Variants in ITFG1 observed in about 807,000 individuals in gnomAD.
The protein encoded by ITFG1 is T-cell immunomodulatory protein.
Under a neutral mutation model 81.8 loss-of-function variants are expected in ITFG1, and 34 were observed. The observed-to-expected ratio is 0.42, with a 90% CI of 0.32 to 0.55. The LOEUF (loss-of-function observed/expected upper bound fraction) is 0.55. Ranked by LOEUF, ITFG1 falls within the 20% of genes least tolerant of loss-of-function variation. ITFG1 has a pLI of 0.17. For missense variants in ITFG1, 672 were observed against 755.4 expected, an observed-to-expected ratio of 0.89 and a Z score of 1.29; for synonymous variants, 285 against 270.6, an observed-to-expected ratio of 1.05 and a Z score of -0.52.
At chr16:47,368,555 CAAAAAAAAAAAAAAAA>C (rs35965452) in intron 7 of ITFG1, among the ~76,000 whole-genome samples, 15 of 33,550 alleles carry the variant, frequency 4.5e-4, no homozygotes, top group African/African-American at 1.9e-3. Flanking sequence ...GACTCCATCT[CAAAAAAAAAAAAAAAA>C]AAAAAAAAAA....
At chr16:47,456,077 G>A (rs765923322) in intron 2 of ITFG1, among the ~76,000 whole-genome samples, 8 of 152,152 alleles carry the variant, frequency 5.3e-5, no homozygotes, top group Non-Finnish European at 8.8e-5. Flanking sequence ...AATCATTCCT[G>A]TAATTGCAGC....
intron 6 of ITFG1, among the ~76,000 whole-genome samples, chr16:47,425,413 CA>C (rs1442897755): frequency 6.6e-6 from 1 of 152,098 alleles, no homozygotes; most frequent in Non-Finnish European, 1.5e-5. Flanking sequence ...GGTAAGGCGA[CA>C]CCCCACCCTG....
intron 6 of ITFG1, among the ~76,000 whole-genome samples, chr16:47,409,251 G>T (rs971362182): frequency 6.7e-5 from 10 of 148,424 alleles, no homozygotes; most frequent in African/African-American, 2.2e-4. Flanking sequence ...GCTAAATAAG[G>T]AATCCTCAGG....
At chr16:47,185,153 G>A (rs1285564067) in intron 14 of ITFG1, among the ~76,000 whole-genome samples, 1 of 151,978 alleles carries the variant, frequency 6.6e-6, no homozygotes. Context: ...CCTACAAAGA[G>A]ACTTAGACTC....
At chr16:47,417,555 C>T (rs1968889881) in intron 6 of ITFG1, among the ~76,000 whole-genome samples, 1 of 152,174 alleles carries the variant, frequency 6.6e-6, no homozygotes. Flanking sequence ...CCACTCTACA[C>T]TTTGCTTCTG....
intron 13 of ITFG1, among the ~76,000 whole-genome samples, chr16:47,221,973 C>T (rs1328634809): frequency 6.6e-6 from 1 of 152,068 alleles, no homozygotes; most frequent in Non-Finnish European, 1.5e-5. Flanking sequence ...ATTCTTCTCT[C>T]TTTTTTTCTT....
intron 10 of ITFG1, among the ~76,000 whole-genome samples, chr16:47,281,722 TTC>T (rs977930566): frequency 1.3e-5 from 2 of 152,154 alleles, no homozygotes; most frequent in African/African-American, 4.8e-5. Context: ...TAGTAAAATC[TTC>T]TGTTTCATTT....
intron 14 of ITFG1, among the ~76,000 whole-genome samples, chr16:47,199,885 TAA>T (rs1175756906): frequency 6.6e-5 from 10 of 152,136 alleles, no homozygotes; most frequent in Non-Finnish European, 2.9e-5. Context: ...TAGATTCTCA[TAA>T]GGAGTGCACA....
rs1385246622 is a variant in ITFG1 at position 47,181,601 on chromosome 16, G to A, written c.1454-18937C>T. Among the ~76,000 whole-genome samples, 7 of 149,012 alleles carry A rather than the reference G, an allele frequency of 4.7e-5. No individual in the cohort carries two copies. The East Asian group carries it at 1.0e-3, about 22-fold the overall frequency. ...GGCCAGCCGCCCCGTCCAGGAGGGA[G>A]GTGAGGGGCGCCTCTGCCCGGCCGC... is the stretch of plus-strand genomic sequence containing the variant. On this transcript the variant is annotated intron_variant, in intron 14 of 17. Transcript: ENST00000320640.
chr16:47,168,480 C>T (rs1414534510), intron 14 of ITFG1, among the ~76,000 whole-genome samples: 3 of 152,090 alleles, frequency 2.0e-5, no homozygotes, highest in African/African-American at 4.8e-5. Flanking sequence ...CTCCAGTGAT[C>T]CCAGCTCAGC....
chr16:47,239,763 C>G (rs1196980891), intron 12 of ITFG1, among the ~76,000 whole-genome samples: 1 of 152,178 alleles, frequency 6.6e-6, no homozygotes, highest in Non-Finnish European at 1.5e-5. Flanking sequence ...TAACTTCTCA[C>G]TCTCCTTTTA....
intron 10 of ITFG1, among the ~76,000 whole-genome samples, chr16:47,292,439 T>C (rs944800983): frequency 2.0e-5 from 3 of 152,254 alleles, no homozygotes; most frequent in Admixed American, 1.3e-4. Flanking sequence ...TTCATTTTAT[T>C]GTGCCAGTTG....
intron 14 of ITFG1, among the ~76,000 whole-genome samples, chr16:47,190,195 G>C (rs1965275154): frequency 6.6e-6 from 1 of 151,808 alleles, no homozygotes; most frequent in Non-Finnish European, 1.5e-5. Flanking sequence ...ACTTATAAGG[G>C]GCCTTTTTTT....
rs1398632426 is a variant in ITFG1 at position 47,181,397 on chromosome 16, AGATGGGGG to A, written c.1454-18741_1454-18734del. 2.3e-4 allele frequency among the ~76,000 whole-genome samples: 28 copies of A among 121,292 alleles called. 1 individual carries two copies. Among genetic ancestry groups the A allele is most frequent in the African/African-American group, 6.7e-4 (20 of 29,924 alleles). 79.6% of individuals were successfully genotyped at this position (121,292 alleles called of 152,430 possible). A position where few individuals can be genotyped will look rare whatever the true frequency, so the allele number is the denominator to read the frequency against. On this transcript the variant is annotated intron_variant, in intron 14 of 17. Transcript: ENST00000320640. The stretch of plus-strand genomic sequence containing the variant: ...CGGCCAGCCACCCCGTCCGGCAGGG[AGATGGGGG>A]GGTCAGCCCCCCCGCCCGGCCAGCC...
At chr16:47,442,050 A>T (rs550683722) in intron 5 of ITFG1, among the ~76,000 whole-genome samples, 1 of 152,300 alleles carries the variant, frequency 6.6e-6, no homozygotes, top group Admixed American at 6.5e-5. Flanking sequence ...ACAAACAGAG[A>T]GCCAAATCAT....
intron 12 of ITFG1, among the ~76,000 whole-genome samples, chr16:47,258,149 T>C (rs988507231): frequency 6.6e-6 from 1 of 152,152 alleles, no homozygotes; most frequent in Non-Finnish European, 1.5e-5. Flanking sequence ...GTGAACAAGG[T>C]TAACATCATG....
chr16:47,199,987 AGCTCAGGCCATAATGTGAGTGATGGGG>A, intron 14 of ITFG1, among the ~76,000 whole-genome samples: 1 of 134,250 alleles, frequency 7.4e-6, no homozygotes, highest in African/African-American at 3.2e-5. Context: ...CAGGAGGTGG[AGCTCAGGCCATAATGTGAGTGATGGGG>A]TGCGGCTGTA....
At chr16:47,420,872 T>C (rs767389976) in intron 6 of ITFG1, among the ~76,000 whole-genome samples, 2 of 152,176 alleles carry the variant, frequency 1.3e-5, no homozygotes, top group Non-Finnish European at 2.9e-5. Flanking sequence ...GCAACACAAA[T>C]GGATTAAGAC....
At chr16:47,376,861 T>C (rs1009718888) in intron 6 of ITFG1, among the ~76,000 whole-genome samples, 2 of 146,926 alleles carry the variant, frequency 1.4e-5, no homozygotes, top group African/African-American at 2.5e-5. Flanking sequence ...CCCAGCCACT[T>C]GGGAGGCTGA....
Sources: allele counts gnomAD v4.1 joint callset (sites outside exome capture counted in the v4.1 genomes callset), GRCh38; gene constraint gnomAD v4.1.1; transcripts MANE v1.5; gene names NCBI Gene and HGNC (gene_info 2026-07-23, HGNC 2026-07-21).